PRKN: variants seen among roughly 807,000 people sequenced by gnomAD.
PRKN encodes parkin RBR E3 ubiquitin protein ligase.
A neutral mutation model predicts 59.5 loss-of-function variants in PRKN; 56 were observed. The ratio of observed to expected loss-of-function variants is 0.94; its 90% CI spans 0.76 to 1.18. PRKN has a LOEUF of 1.18. Ranked by LOEUF, PRKN falls within the 50% of genes most tolerant of loss-of-function variation. The pLI, the probability that PRKN is intolerant of heterozygous loss-of-function variation, is 0.00. For missense variants in PRKN, 657 were observed against 596.4 expected (o/e 1.10, Z -1.06); for synonymous variants, 250 against 222.1 (o/e 1.13, Z -1.12).
intron 7 of PRKN, among the ~76,000 whole-genome samples, chr6:161,681,030 T>C (rs1785342960): frequency 6.6e-6 from 1 of 152,038 alleles, no homozygotes; most frequent in South Asian, 2.1e-4. Context: ...GCACAGTCTC[T>C]GCTCACTGTA....
chr6:162,217,193 C>T (rs545094775), intron 3 of PRKN, among the ~76,000 whole-genome samples: 86 of 152,132 alleles, frequency 5.7e-4, no homozygotes, highest in Non-Finnish European at 1.1e-3. Context: ...CTACATGAAC[C>T]AAGGCCCAAT....
intron 1 of PRKN, among the ~76,000 whole-genome samples, chr6:162,558,326 C>CTTTT (rs1319833183): frequency 8.1e-6 from 1 of 123,310 alleles, no homozygotes. Context: ...TTTAATTTTC[C>CTTTT]CTTTTTTTTT....
chr6:161,828,691 G>C (rs1449654122), intron 6 of PRKN, among the ~76,000 whole-genome samples: 4 of 152,142 alleles, frequency 2.6e-5, no homozygotes, highest in African/African-American at 9.7e-5. Context: ...GGCTGAGGTG[G>C]GCGGATCACC....
rs77056917 is a variant in PRKN, at chr6:162,509,955, T to C, written c.8-66482A>G. On this transcript the variant is annotated intron_variant, in intron 1 of 11. Coordinates refer to ENST00000366898, the MANE Select transcript of PRKN (RefSeq NM_004562.3). Reference sequence around the variant, plus strand: ...GAAAATAGGCAACTCCCATTTGGCATGTCATTCTTTTATGCCCGAGAGCTC... The same window carrying C: ...GAAAATAGGCAACTCCCATTTGGCACGTCATTCTTTTATGCCCGAGAGCTC... 2.0e-3 allele frequency among the ~76,000 whole-genome samples: 303 copies of C among 152,294 alleles called. 5 individuals carry two copies. Among genetic ancestry groups the C allele is most frequent in the African/African-American group, 7.0e-3 (291 of 41,568 alleles).
At chr6:161,748,641 T>C (rs1305425204) in intron 7 of PRKN, among the ~76,000 whole-genome samples, 2 of 152,146 alleles carry the variant, frequency 1.3e-5, no homozygotes, top group Middle Eastern at 3.4e-3. Flanking sequence ...ACTTGTCGGG[T>C]CACTGACAAA....
intron 2 of PRKN, among the ~76,000 whole-genome samples, chr6:162,399,169 A>G (rs1446965604): frequency 6.6e-6 from 1 of 152,194 alleles, no homozygotes; most frequent in Non-Finnish European, 1.5e-5. Context: ...TGAATGTGAA[A>G]GCCACATAAG....
chr6:162,668,042 A>G (rs1455578811), intron 1 of PRKN, among the ~76,000 whole-genome samples: 1 of 152,224 alleles, frequency 6.6e-6, no homozygotes, highest in African/African-American at 2.4e-5. Flanking sequence ...AGTGTCATAT[A>G]CATTTCTCAA....
chr6:161,700,996 A>C (rs1357529420), intron 7 of PRKN, among the ~76,000 whole-genome samples: 4 of 152,232 alleles, frequency 2.6e-5, no homozygotes, highest in African/African-American at 9.6e-5. Flanking sequence ...ATATCTAAGA[A>C]AGACAACTTC....
chr6:161,389,293 T>C (rs1364094285), intron 9 of PRKN, among the ~76,000 whole-genome samples: 1 of 152,224 alleles, frequency 6.6e-6, no homozygotes, highest in Non-Finnish European at 1.5e-5. Flanking sequence ...AGTATTTTAA[T>C]CTCAGGACAT....
intron 2 of PRKN, among the ~76,000 whole-genome samples, chr6:162,365,136 A>G (rs1356664360): frequency 2.0e-5 from 3 of 152,018 alleles, no homozygotes; most frequent in African/African-American, 7.2e-5. Context: ...AAATAAATCC[A>G]TAATTTAAAA....
At chr6:161,616,149 T>G (rs972375391) in intron 7 of PRKN, among the ~76,000 whole-genome samples, 6 of 152,222 alleles carry the variant, frequency 3.9e-5, no homozygotes, top group Non-Finnish European at 8.8e-5. Flanking sequence ...TGTCCTGCTC[T>G]GTTCATTTTT....
chr6:162,393,152 A>ATTTTTTTTT (rs1369959830), intron 2 of PRKN, among the ~76,000 whole-genome samples: 8 of 78,092 alleles, frequency 1.0e-4, no homozygotes, highest in African/African-American at 2.9e-4. Flanking sequence ...AGGATAGGAG[A>ATTTTTTTTT]TTCTTTTTTT....
Position 161,460,814 on chromosome 6 carries a change from A to G in PRKN, c.1084-73937T>C, listed in dbSNP as rs1050576315. ...CGCCAGGCTGGAGTGCAGTGTCACA[A>G]TCTCGGCCCACTGCAATCTCAGACT... On this transcript the variant is annotated intron_variant, in intron 9 of 11. Coordinates refer to ENST00000366898, the MANE Select transcript of PRKN (RefSeq NM_004562.3). The surrounding 1 kb of genome is among the most constrained non-coding windows in gnomAD (Gnocchi z 5.0). Among the ~76,000 whole-genome samples, 3 of 151,608 alleles carry G rather than the reference A, an allele frequency of 2.0e-5. No individual in the cohort carries two copies. The highest frequency in any genetic ancestry group is 7.3e-5 in the African/African-American group (3 of 41,220).
rs1187384281 is a variant in PRKN at position 161,576,483 on chromosome 6, G to A, written c.872-7067C>T. 1.3e-5 allele frequency among the ~76,000 whole-genome samples: 2 copies of A among 152,138 alleles called. No individual in the cohort carries two copies. The highest frequency in any genetic ancestry group is 2.4e-5 in the African/African-American group (1 of 41,430). ...TTTGTAATAACAGCAACAACAAAAC[G>A]ACACATCTAAAATGACCATCAACAG... On this transcript the variant is annotated intron_variant, in intron 7 of 11. Coordinates refer to ENST00000366898, the MANE Select transcript of PRKN (RefSeq NM_004562.3). This position sits in a 1 kb window ranked among gnomAD's most constrained non-coding sequence, Gnocchi z 4.6.
chr6:162,720,166 T>C (rs1446964376), intron 1 of PRKN, among the ~76,000 whole-genome samples: 1 of 152,154 alleles, frequency 6.6e-6, no homozygotes. Context: ...TATTCAACAA[T>C]TATGTAAATA....
At chr6:161,383,996 C>T (rs896337048) in intron 10 of PRKN, among the ~76,000 whole-genome samples, 2 of 152,160 alleles carry the variant, frequency 1.3e-5, no homozygotes, top group African/African-American at 4.8e-5. Context: ...TGATCAGGAA[C>T]CAGAAGCAGG....
chr6:162,251,374 C>G (rs1421704797), intron 3 of PRKN, among the ~76,000 whole-genome samples: 1 of 152,050 alleles, frequency 6.6e-6, no homozygotes, highest in Non-Finnish European at 1.5e-5. Context: ...AGGCCTCAAC[C>G]ATTATGGAAT....
intron 1 of PRKN, among the ~76,000 whole-genome samples, chr6:162,506,870 G>A (rs1271410162): frequency 6.6e-6 from 1 of 152,136 alleles, no homozygotes; most frequent in Admixed American, 6.6e-5. Flanking sequence ...GAAGAGACAA[G>A]GTTGGCACTG....
chr6:162,606,245 C>A (rs1781908325), intron 1 of PRKN, among the ~76,000 whole-genome samples: 1 of 152,146 alleles, frequency 6.6e-6, no homozygotes, highest in African/African-American at 2.4e-5. Context: ...TTAAAATACC[C>A]TAAGTTGAAA....
Sources: gnomAD v4.1 joint callset for allele counts (sites outside exome capture counted in the v4.1 genomes callset) on GRCh38, gnomAD v4.1.1 for gene constraint, Gnocchi (gnomAD v3.1) non-coding constraint, MANE v1.5 for transcripts, NCBI Gene and HGNC (gene_info 2026-07-23, HGNC 2026-07-21) for gene names.